Variants in GRIK3 observed in about 807,000 individuals in gnomAD.
The protein encoded by GRIK3 is glutamate ionotropic receptor kainate type subunit 3.
In GRIK3, 29 loss-of-function variants were observed where a neutral mutation model predicts 102.5. The observed-to-expected ratio is 0.28, with a 90% CI of 0.21 to 0.39. GRIK3 has a LOEUF of 0.39. GRIK3 is among the 10% of genes least tolerant of loss of function. GRIK3 has a pLI of 1.00. For missense variants in GRIK3, 908 were observed against 1,252.4 expected (o/e 0.73, Z 4.15); for synonymous variants, 511 against 504.9 (o/e 1.01, Z -0.16).
intron 1 of GRIK3, among the ~76,000 whole-genome samples, chr1:36,937,763 C>T (rs952258210): frequency 1.3e-5 from 2 of 152,128 alleles, no homozygotes; most frequent in Non-Finnish European, 2.9e-5. Flanking sequence ...TTATAATGAA[C>T]AATCAAGTGT....
rs529159298 is a variant in GRIK3 at position 36,809,706 on chromosome 1, T to C, written c.2092-3380A>G. Among the ~76,000 whole-genome samples the C allele has an allele frequency of 7.8e-4, 118 of 152,202 alleles. 1 individual carries two copies. The highest frequency in any genetic ancestry group is 5.6e-3 in the South Asian group (27 of 4,814). On this transcript the variant is annotated intron_variant, in intron 13 of 15. Transcript: ENST00000373091. ...CTTTCCAGTAACACAACACCATAGA[T>C]GGAGACAGAAATTTCAGTTGGGGGC...
At chr1:36,959,830 C>T (rs1361141810) in intron 1 of GRIK3, among the ~76,000 whole-genome samples, 9 of 115,522 alleles carry the variant, frequency 7.8e-5, no homozygotes, top group African/African-American at 2.8e-4. Context: ...AGCCTGTGTG[C>T]CCTGTGAGTC....
At chr1:36,942,061 G>T (rs1051955101) in intron 1 of GRIK3, among the ~76,000 whole-genome samples, 1 of 152,224 alleles carries the variant, frequency 6.6e-6, no homozygotes, top group Non-Finnish European at 1.5e-5. Context: ...GGATGCAGGA[G>T]CTCCAAGTTC....
intron 10 of GRIK3, among the ~76,000 whole-genome samples, chr1:36,829,401 T>A (rs1352309757): frequency 6.6e-6 from 1 of 150,848 alleles, no homozygotes; most frequent in Non-Finnish European, 1.5e-5. Flanking sequence ...TGGTTTTTAT[T>A]GTTTTTTGTT....
intron 3 of GRIK3, among the ~76,000 whole-genome samples, chr1:36,879,942 G>A (rs573862762): frequency 2.0e-5 from 3 of 152,292 alleles, no homozygotes; most frequent in Admixed American, 6.5e-5. Flanking sequence ...GGGCTGGTGT[G>A]TGTGCGAGCA....
intron 1 of GRIK3, among the ~76,000 whole-genome samples, chr1:36,910,746 T>C (rs1334225506): frequency 6.6e-6 from 1 of 152,224 alleles, no homozygotes; most frequent in African/African-American, 2.4e-5. Context: ...TCTTCATTCA[T>C]TCATATACTC....
At chr1:36,856,335 A>G (rs1640651469) in intron 7 of GRIK3, among the ~76,000 whole-genome samples, 1 of 152,224 alleles carries the variant, frequency 6.6e-6, no homozygotes, top group African/African-American at 2.4e-5. Flanking sequence ...GCGGGTGGAC[A>G]GGGCAGGCCA....
chr1:37,012,783 T>C (rs999661108), intron 1 of GRIK3, among the ~76,000 whole-genome samples: 1 of 152,238 alleles, frequency 6.6e-6, no homozygotes, highest in Non-Finnish European at 1.5e-5. Flanking sequence ...GATGTGACCT[T>C]GCTGAGCCTC....
intron 13 of GRIK3, among the ~76,000 whole-genome samples, chr1:36,816,566 T>G (rs972721475): frequency 2.0e-5 from 3 of 152,104 alleles, no homozygotes; most frequent in African/African-American, 4.8e-5. Flanking sequence ...ATTCCTAGAG[T>G]GTAACATGCT....
At chr1:36,962,811 G>A (rs1931911) in intron 1 of GRIK3, among the ~76,000 whole-genome samples, 14,891 of 150,738 alleles carry the variant, frequency 0.099, 832 homozygotes, top group African/African-American at 0.16. Flanking sequence ...TTGAACCCGG[G>A]AGGCGGAGGT....
intron 1 of GRIK3, among the ~76,000 whole-genome samples, chr1:37,028,052 C>T (rs1642781866): frequency 6.6e-6 from 1 of 152,126 alleles, no homozygotes; most frequent in Non-Finnish European, 1.5e-5. Context: ...ATAAAACGAC[C>T]ATAAAAACCT....
chr1:36,867,606 G>A (rs537524276), intron 5 of GRIK3, among the ~76,000 whole-genome samples: 179 of 152,152 alleles, frequency 1.2e-3, no homozygotes, highest in African/African-American at 3.2e-3. Context: ...ACTGAGCTAG[G>A]CACTTGGGTG....
chr1:36,972,764 G>A (rs1017070259), intron 1 of GRIK3, among the ~76,000 whole-genome samples: 1 of 152,216 alleles, frequency 6.6e-6, no homozygotes, highest in Admixed American at 6.5e-5. Context: ...GAGGCTCAGA[G>A]AGGAAAAGTG....
chr1:37,024,445 C>T (rs1557467598), intron 1 of GRIK3, among the ~76,000 whole-genome samples: 2 of 145,654 alleles, frequency 1.4e-5, no homozygotes, highest in East Asian at 3.9e-4. Context: ...GCAGGTACAA[C>T]TATTATTATT....
intron 5 of GRIK3, among the ~76,000 whole-genome samples, chr1:36,861,910 G>T (rs1411345668): frequency 6.6e-6 from 1 of 152,156 alleles, no homozygotes; most frequent in African/African-American, 2.4e-5. Flanking sequence ...TGGCCAGAGG[G>T]TGTCTCTGTG....
chr1:37,004,202 A>G (rs1475804139), intron 1 of GRIK3, among the ~76,000 whole-genome samples: 1 of 152,178 alleles, frequency 6.6e-6, no homozygotes, highest in African/African-American at 2.4e-5. Context: ...TCCCTGCTCC[A>G]GAGCCCACCC....
intron 13 of GRIK3, among the ~76,000 whole-genome samples, chr1:36,816,000 C>T (rs376782609): frequency 9.2e-5 from 14 of 151,946 alleles, no homozygotes; most frequent in African/African-American, 3.1e-4. Context: ...CAGCTCACCT[C>T]GGCCTCCAAA....
chr1:36,806,063 G>T lies in GRIK3; in HGVS notation c.2314+41C>A. 1 of 1,412,982 alleles carries T rather than the reference G, an allele frequency of 7.1e-7. No homozygotes were observed. Among genetic ancestry groups the T allele is most frequent in the Non-Finnish European group, 9.9e-7 (1 of 1,006,048 alleles). 87.5% of individuals were successfully genotyped at this position (1,412,982 alleles called of 1,614,324 possible). ...GACGCGGGGGTGGAGCCCTCCCTCT[G>T]CCCACACACCCACCCCTCCCACAGG... On this transcript the variant is annotated intron_variant, in intron 14 of 15. Transcript: ENST00000373091. This position sits in a 1 kb window ranked among gnomAD's most constrained non-coding sequence, Gnocchi z 4.0.
chr1:36,954,995 C>T (rs1006855850), intron 1 of GRIK3, among the ~76,000 whole-genome samples: 1 of 152,214 alleles, frequency 6.6e-6, no homozygotes, highest in Non-Finnish European at 1.5e-5. Context: ...TGAGAACAGG[C>T]AGGAAGCCCA....
Sources: allele counts gnomAD v4.1 joint callset (sites outside exome capture counted in the v4.1 genomes callset), GRCh38; gene constraint gnomAD v4.1.1; non-coding constraint Gnocchi (gnomAD v3.1); transcripts MANE v1.5; gene names NCBI Gene and HGNC (gene_info 2026-07-23, HGNC 2026-07-21).